CD99: variants seen among roughly 807,000 people sequenced by gnomAD.
The protein encoded by CD99 is CD99 antigen.
In CD99, 19 loss-of-function variants were observed where a neutral mutation model predicts 28.4. The observed-to-expected ratio is 0.67, with a 90% CI of 0.47 to 0.98. CD99 has a LOEUF of 0.98. Ranked by LOEUF, CD99 falls within the 50% of genes least tolerant of loss-of-function variation. The probability of loss-of-function intolerance (pLI) is 0.00; values close to 1 mark genes in which losing one functional copy is unlikely to be tolerated. For missense variants in CD99, 283 were observed against 248.8 expected (o/e 1.14, Z -0.92); for synonymous variants, 103 against 92.1 (o/e 1.12, Z -0.67).
At chrX:2,691,449 G>T (rs1339005743) in intron 1 of CD99, 22 bp downstream of exon 1, 1 of 1,577,412 alleles carries the variant, frequency 6.3e-7, no homozygotes, top group Admixed American at 1.7e-5. Context: ...GAGGGATCCG[G>T]GTTGGGGGAC....
chrX:2,722,258 C>G (rs1449863004), intron 5 of CD99, among the ~76,000 whole-genome samples: 2 of 152,116 alleles, frequency 1.3e-5, no homozygotes, highest in African/African-American at 4.8e-5. Context: ...CATTTATTTA[C>G]AGACATAAAT....
At chrX:2,727,536 G>A (rs771927795) in intron 8 of CD99, among the ~76,000 whole-genome samples, 40 of 152,240 alleles carry the variant, frequency 2.6e-4, no homozygotes, top group Non-Finnish European at 4.1e-4. Context: ...GAGTGCAGTG[G>A]CGCAATCTCA....
chrX:2,724,975 T>C (rs1478672806), intron 7 of CD99, among the ~76,000 whole-genome samples: 3 of 148,688 alleles, frequency 2.0e-5, no homozygotes, highest in East Asian at 2.0e-4. Context: ...GGCAGGAGAA[T>C]AGCTTGAACC....
chrX:2,722,358 T>C (rs1489655130), intron 5 of CD99, among the ~76,000 whole-genome samples: 3 of 152,222 alleles, frequency 2.0e-5, no homozygotes, highest in Admixed American at 6.5e-5. Flanking sequence ...TTAGCTCTTC[T>C]TGCCCAGGCT....
Position 2,717,957 on chromosome X carries a change from TTGA to T in CD99, c.148+306_148+308del, listed in dbSNP as rs1292186676. On this transcript the variant is annotated intron_variant, in intron 3 of 9. Coordinates refer to ENST00000381192, the MANE Select transcript of CD99 (RefSeq NM_002414.5). ...CTTCCCTTTTTTTTTTTTTTTTTTT[TTGA>T]GATGGCGTTTCATTCTTGTCTCCCA... is the stretch of plus-strand genomic sequence containing the variant. The T allele has an allele frequency of 2.4e-3, 600 of 253,338 alleles. 5 individuals carry two copies. Among genetic ancestry groups the T allele is most frequent in the Non-Finnish European group, 2.9e-3 (400 of 137,202 alleles). The allele number at this position is 253,338 out of a possible 1,614,324, so 15.7% of individuals were successfully genotyped here.
intron 1 of CD99, among the ~76,000 whole-genome samples, chrX:2,702,417 T>G (rs1488635249): frequency 1.3e-5 from 2 of 150,814 alleles, no homozygotes; most frequent in Admixed American, 1.3e-4. Context: ...TTAAATTTTC[T>G]GAGAAAGACA....
chrX:2,712,948 C>T (rs1426752150), intron 1 of CD99, among the ~76,000 whole-genome samples: 2 of 152,124 alleles, frequency 1.3e-5, no homozygotes, highest in African/African-American at 4.8e-5. Context: ...CGTGGAAACA[C>T]ACCTGCACAC....
chrX:2,710,019 G>A (rs1017203804), intron 1 of CD99, among the ~76,000 whole-genome samples: 2 of 152,176 alleles, frequency 1.3e-5, no homozygotes, highest in Non-Finnish European at 2.9e-5. Flanking sequence ...GGGAAGCATC[G>A]AGATCATACT....
chrX:2,692,006 T>TGC (rs2047330769), intron 1 of CD99: 2 of 727,862 alleles, frequency 2.7e-6, no homozygotes. Context: ...GCGCGTGCTG[T>TGC]GCGCCAAGCA....
At chrX:2,732,961 C>G (rs1337630105) in intron 8 of CD99, among the ~76,000 whole-genome samples, 2 of 147,560 alleles carry the variant, frequency 1.4e-5, no homozygotes, top group Non-Finnish European at 3.0e-5. Context: ...CTCCCTCCCT[C>G]CCTCATTTCC....
intron 9 of CD99, 54 bp from the exon 10 acceptor site, chrX:2,740,725 A>G: frequency 1.3e-6 from 2 of 1,591,882 alleles, no homozygotes; most frequent in Non-Finnish European, 1.7e-6. Flanking sequence ...AACTGTGTCC[A>G]CGTGAGTGCT....
At chrX:2,715,566 A>G (rs6567639) in intron 2 of CD99, 74,114 of 152,010 alleles carry the variant, frequency 0.49, 18,331 homozygotes, top group South Asian at 0.56. Context: ...AGGATTATCT[A>G]ATCTCAAGAT....
At chrX:2,723,450 A>G in intron 7 of CD99, 86 bp downstream of exon 7, 1 of 1,477,980 alleles carries the variant, frequency 6.8e-7, no homozygotes, top group Admixed American at 1.7e-5. Context: ...GGCGGACTGC[A>G]CTGGCATTGG....
intron 7 of CD99, among the ~76,000 whole-genome samples, chrX:2,723,998 G>C (rs1407925372): frequency 2.2e-5 from 3 of 138,342 alleles, no homozygotes; most frequent in Non-Finnish European, 3.1e-5. Context: ...GGGATGGAGA[G>C]AAGGAAGGAA....
chrX:2,732,954 C>A (rs1321913130), intron 8 of CD99, among the ~76,000 whole-genome samples: 1 of 147,092 alleles, frequency 6.8e-6, no homozygotes, highest in Non-Finnish European at 1.5e-5. Context: ...TCCCTTCCTC[C>A]CTCCCTCCCT....
chrX:2,717,677 G>A (rs1425586757), intron 3 of CD99, 25 bp downstream of exon 3: 1 of 1,606,532 alleles, frequency 6.2e-7, no homozygotes. Context: ...TTCCTAGTAT[G>A]CAAAGAAAAA....
In CD99 at chrX:2,714,459, G is replaced by A. The variant is rs781327144; in HGVS notation, c.100+5G>A. ...ATTTATCCGATGCCCTTCCTGGTGA[G>A]TATCAACATCATTTTTTAAAATCCC... is the stretch of plus-strand genomic sequence containing the variant. On this transcript the variant is annotated splice_donor_5th_base_variant and intron_variant, in intron 2 of 9. Coordinates refer to ENST00000381192, the MANE Select transcript of CD99 (RefSeq NM_002414.5). 1 of 1,597,388 alleles carries A rather than the reference G, an allele frequency of 6.3e-7. No individual in the cohort carries two copies. The highest frequency in any genetic ancestry group is 8.6e-7 in the Non-Finnish European group (1 of 1,165,746).
At chrX:2,727,781 G>A (rs2049372184) in intron 8 of CD99, among the ~76,000 whole-genome samples, 1 of 152,130 alleles carries the variant, frequency 6.6e-6, no homozygotes, top group Non-Finnish European at 1.5e-5. Context: ...CTGGCCAACA[G>A]CTACTGTTTT....
In CD99 at chrX:2,736,191, G is replaced by A. The variant is rs1193684947; in HGVS notation, c.476-2009G>A. ...CGTTCCAGCCTGGGCGACAGAGCAA[G>A]ACTCTGTCTCAAAAAAAAAAAAAAA... On this transcript the variant is annotated intron_variant, in intron 8 of 9. Transcript: ENST00000381192. Among the ~76,000 whole-genome samples the A allele has an allele frequency of 2.8e-5, 4 of 144,974 alleles. No individual in the cohort carries two copies. The South Asian group carries it at 8.7e-4, about 32-fold the overall frequency.
Sources: gnomAD v4.1 joint callset for allele counts (sites outside exome capture counted in the v4.1 genomes callset) on GRCh38, gnomAD v4.1.1 for gene constraint, MANE v1.5 for transcripts, NCBI Gene and HGNC (gene_info 2026-07-23, HGNC 2026-07-21) for gene names.